Variants in HS6ST3 observed in about 807,000 individuals in gnomAD.
The protein encoded by HS6ST3 is heparan-sulfate 6-O-sulfotransferase 3.
A neutral mutation model predicts 36.7 loss-of-function variants in HS6ST3; 12 were observed. The ratio of observed to expected loss-of-function variants is 0.33; its 90% CI spans 0.21 to 0.53. The LOEUF is 0.53. Ranked by LOEUF, HS6ST3 falls within the 20% of genes least tolerant of loss-of-function variation. The pLI, the probability that HS6ST3 is intolerant of heterozygous loss-of-function variation, is 0.95. For missense variants in HS6ST3, 584 were observed against 640.9 expected (o/e 0.91, Z 0.96); for synonymous variants, 240 against 257.5 (o/e 0.93, Z 0.65).
intron 1 of HS6ST3, among the ~76,000 whole-genome samples, chr13:96,381,992 G>A: frequency 6.6e-6 from 1 of 152,114 alleles, no homozygotes; most frequent in African/African-American, 2.4e-5. Flanking sequence ...GTGGGAGGCA[G>A]GCTTGGTAGT....
intron 1 of HS6ST3, among the ~76,000 whole-genome samples, chr13:96,737,457 C>T (rs1876312591): frequency 6.6e-6 from 1 of 150,556 alleles, no homozygotes. Flanking sequence ...AACCCCGTCT[C>T]TACTAAAAAT....
chr13:96,494,679 A>G (rs1052228342), intron 1 of HS6ST3, among the ~76,000 whole-genome samples: 8 of 151,670 alleles, frequency 5.3e-5, no homozygotes, highest in Non-Finnish European at 1.2e-4. Flanking sequence ...ACACACATAC[A>G]CACACACACA....
intron 1 of HS6ST3, among the ~76,000 whole-genome samples, chr13:96,752,686 A>G (rs1430138401): frequency 6.6e-6 from 1 of 152,094 alleles, no homozygotes; most frequent in East Asian, 1.9e-4. Flanking sequence ...ATTTCTGGAC[A>G]CATTCTAGAT....
intron 1 of HS6ST3, among the ~76,000 whole-genome samples, chr13:96,353,959 C>T (rs1030857068): frequency 6.6e-6 from 1 of 152,188 alleles, no homozygotes. Flanking sequence ...GTAACTGTCA[C>T]ATACTACTGG....
intron 1 of HS6ST3, among the ~76,000 whole-genome samples, chr13:96,533,712 G>A (rs574280532): frequency 2.0e-5 from 3 of 152,234 alleles, no homozygotes; most frequent in Middle Eastern, 3.4e-3. Context: ...CTAAGTGCTC[G>A]GTATTAAAGT....
At chr13:96,148,534 T>TA (rs1463727678) in intron 1 of HS6ST3, among the ~76,000 whole-genome samples, 2 of 152,178 alleles carry the variant, frequency 1.3e-5, no homozygotes, top group Non-Finnish European at 2.9e-5. Context: ...AGTGAACACT[T>TA]AAGTTAATTA....
rs2053975968 is a variant in HS6ST3 at position 96,131,614 on chromosome 13, A to G, written c.707+40045A>G. Among the ~76,000 whole-genome samples the G allele has an allele frequency of 5.3e-5, 8 of 152,260 alleles. No individual in the cohort carries two copies. In the South Asian group the frequency reaches 1.7e-3, roughly 32 times the overall value. On this transcript the variant is annotated intron_variant, in intron 1 of 1. Coordinates refer to ENST00000376705, the MANE Select transcript of HS6ST3 (RefSeq NM_153456.4). ...TTCAAGTATATAATACATTGTTATT[A>G]ACTATAGTCACTAAGTTAAGTTTCT...
chr13:96,452,599 C>A (rs2139486376), intron 1 of HS6ST3, among the ~76,000 whole-genome samples: 1 of 151,614 alleles, frequency 6.6e-6, no homozygotes, highest in South Asian at 2.1e-4. Flanking sequence ...TCACAAAAGT[C>A]TTGTGTCTTA....
chr13:96,767,481 T>C (rs1300878195), intron 1 of HS6ST3, among the ~76,000 whole-genome samples: 3 of 152,244 alleles, frequency 2.0e-5, no homozygotes, highest in African/African-American at 7.2e-5. Context: ...ATGTGTTGTG[T>C]AGGGTAGTGA....
intron 1 of HS6ST3, among the ~76,000 whole-genome samples, chr13:96,447,030 A>G (rs1555757): frequency 3.6e-4 from 55 of 151,954 alleles, no homozygotes; most frequent in African/African-American, 1.3e-3. Context: ...AGAGCCCTCA[A>G]TTTCTGAATT....
chr13:96,751,200 C>T (rs1459480508), intron 1 of HS6ST3, among the ~76,000 whole-genome samples: 1 of 151,998 alleles, frequency 6.6e-6, no homozygotes, highest in African/African-American at 2.4e-5. Context: ...GTAACTATGA[C>T]CTTATTTGGA....
chr13:96,383,404 C>A (rs1266811043), intron 1 of HS6ST3, among the ~76,000 whole-genome samples: 2 of 151,758 alleles, frequency 1.3e-5, no homozygotes, highest in Non-Finnish European at 2.9e-5. Flanking sequence ...CAGATCATGC[C>A]ACTGTACTCC....
At chr13:96,489,908 T>C (rs2055936404) in intron 1 of HS6ST3, among the ~76,000 whole-genome samples, 1 of 152,128 alleles carries the variant, frequency 6.6e-6, no homozygotes, top group Non-Finnish European at 1.5e-5. Context: ...TCTTTCTCTT[T>C]TCTCACTTCT....
chr13:96,825,560 A>G (rs1266136003), intron 1 of HS6ST3, among the ~76,000 whole-genome samples: 3 of 152,162 alleles, frequency 2.0e-5, no homozygotes, highest in African/African-American at 4.8e-5. Flanking sequence ...GTCTCTTACC[A>G]TGGCTGCTGA....
intron 1 of HS6ST3, among the ~76,000 whole-genome samples, chr13:96,125,138 T>C (rs143480310): frequency 9.2e-5 from 14 of 152,244 alleles, no homozygotes; most frequent in African/African-American, 3.4e-4. Context: ...TGCAAGGGTA[T>C]CTGAGGTGGC....
intron 1 of HS6ST3, among the ~76,000 whole-genome samples, chr13:96,363,013 T>C (rs1347239900): frequency 1.3e-5 from 2 of 151,984 alleles, no homozygotes; most frequent in African/African-American, 4.8e-5. Context: ...GGGTTAGGGA[T>C]GGGAGAGGGA....
intron 1 of HS6ST3, among the ~76,000 whole-genome samples, chr13:96,217,294 T>A (rs1403757682): frequency 1.3e-5 from 2 of 152,248 alleles, no homozygotes; most frequent in South Asian, 2.1e-4. Flanking sequence ...AGAGAGGGTT[T>A]ATTTTTCTCA....
intron 1 of HS6ST3, among the ~76,000 whole-genome samples, chr13:96,601,157 T>C (rs937669176): frequency 6.6e-6 from 1 of 152,190 alleles, no homozygotes; most frequent in Non-Finnish European, 1.5e-5. Flanking sequence ...ATGTCCTTTT[T>C]TGCAATGAAT....
chr13:96,477,951 C>T (rs1479128336), intron 1 of HS6ST3, among the ~76,000 whole-genome samples: 1 of 151,988 alleles, frequency 6.6e-6, no homozygotes, highest in African/African-American at 2.4e-5. Flanking sequence ...ACACAAAAAA[C>T]CGAAAGCTAA....
Sources: gnomAD v4.1 joint callset for allele counts (sites outside exome capture counted in the v4.1 genomes callset) on GRCh38, gnomAD v4.1.1 for gene constraint, MANE v1.5 for transcripts, NCBI Gene and HGNC (gene_info 2026-07-23, HGNC 2026-07-21) for gene names.